Variants in SEPTIN2 observed in about 807,000 individuals in gnomAD.
The protein encoded by SEPTIN2 is septin 2.
Under a neutral mutation model 46.5 loss-of-function variants are expected in SEPTIN2, and 34 were observed. That is an observed-to-expected ratio of 0.73 (90% confidence interval 0.56 to 0.97). The LOEUF is 0.97. Ranked by LOEUF, SEPTIN2 falls within the 50% of genes least tolerant of loss-of-function variation. The probability of loss-of-function intolerance (pLI) is 0.00; values close to 1 mark genes in which losing one functional copy is unlikely to be tolerated. For missense variants in SEPTIN2, 347 were observed against 448.4 expected, an observed-to-expected ratio of 0.77 and a Z score of 2.04; for synonymous variants, 175 against 153.4, an observed-to-expected ratio of 1.14 and a Z score of -1.04.
intron 3 of SEPTIN2, among the ~76,000 whole-genome samples, chr2:241,329,025 A>G (rs2078509656): frequency 6.6e-6 from 1 of 152,098 alleles, no homozygotes; most frequent in African/African-American, 2.4e-5. Context: ...CATCTCTCAC[A>G]CACAAAAAAG....
intron 1 of SEPTIN2, among the ~76,000 whole-genome samples, chr2:241,319,886 ACT>A (rs1387894090): frequency 6.6e-6 from 1 of 151,876 alleles, no homozygotes; most frequent in Non-Finnish European, 1.5e-5. Context: ...GAGCCACCAC[ACT>A]CTGCCAGCAG....
upstream of SEPTIN2, chr2:241,315,890 C>T (rs1451489627): frequency 9.4e-6 from 1 of 106,876 alleles, no homozygotes; most frequent in East Asian, 2.8e-4. Flanking sequence ...CTGGGCGGGG[C>T]GGGGCGGGCT....
At chr2:241,315,761 C>T (rs1409556118), upstream of SEPTIN2, 1 of 152,494 alleles carries the variant, frequency 6.6e-6, no homozygotes, top group African/African-American at 2.4e-5. Context: ...GCGGACGACT[C>T]TGGGCTTGCG....
Position 241,348,188 on chromosome 2 carries a change from T to A in SEPTIN2, c.981T>A (p.Ala327=). The change falls in exon 11 of 13, where the codon GCT becomes GCA. Residue 327 remains alanine, a synonymous_variant. Transcript: ENST00000391971. The part of the protein sequence containing the change: ...NKDQILLEKE[A]ELRRMQEMIA... ...ACCAGATCTTGCTGGAAAAAGAAGCTGAGGTAAGTAGGAAAGTACTATTGG... is the reference window on the plus strand; with the variant it reads ...ACCAGATCTTGCTGGAAAAAGAAGCAGAGGTAAGTAGGAAAGTACTATTGG... 1 of 1,612,444 alleles carries A rather than the reference T, an allele frequency of 6.2e-7. No homozygotes were observed.
At chr2:241,320,518 G>A (rs973646274) in intron 1 of SEPTIN2, among the ~76,000 whole-genome samples, 9 of 152,170 alleles carry the variant, frequency 5.9e-5, no homozygotes, top group Admixed American at 2.0e-4. Context: ...TTGCGGCCAA[G>A]CACGGTGGCT....
intron 1 of SEPTIN2, among the ~76,000 whole-genome samples, chr2:241,319,950 A>G (rs749809576): frequency 7.9e-5 from 12 of 152,222 alleles, no homozygotes; most frequent in Non-Finnish European, 1.3e-4. Flanking sequence ...ATGCCTCATC[A>G]GCATCTATTA....
chr2:241,336,352 G>C (rs1174392225), intron 5 of SEPTIN2: 1 of 433,948 alleles, frequency 2.3e-6, no homozygotes, highest in Non-Finnish European at 4.1e-6. Flanking sequence ...TGAAACACCT[G>C]GATTTGAGCC....
chr2:241,320,503 A>T (rs2149829814), intron 1 of SEPTIN2, among the ~76,000 whole-genome samples: 1 of 152,310 alleles, frequency 6.6e-6, no homozygotes, highest in Non-Finnish European at 1.5e-5. Flanking sequence ...TTAGAAAACC[A>T]GCTTTTGCGG....
intron 3 of SEPTIN2, among the ~76,000 whole-genome samples, chr2:241,328,788 A>G (rs949673813): frequency 1.3e-5 from 2 of 151,280 alleles, no homozygotes; most frequent in African/African-American, 4.9e-5. Flanking sequence ...TGAGGAGGCT[A>G]GGCGGGTGGA....
chr2:241,348,987 T>G (rs1270439037), intron 11 of SEPTIN2, among the ~76,000 whole-genome samples: 1 of 152,234 alleles, frequency 6.6e-6, no homozygotes, highest in African/African-American at 2.4e-5. Flanking sequence ...GAAGAAAATT[T>G]AAATGTTTTA....
At chr2:241,348,760 A>G (rs1412357490) in intron 11 of SEPTIN2, among the ~76,000 whole-genome samples, 2 of 152,188 alleles carry the variant, frequency 1.3e-5, no homozygotes, top group South Asian at 2.1e-4. Flanking sequence ...TAGTAATGTC[A>G]CTGATATTTG....
At chr2:241,338,711 TTTATATA>T (rs2080538436) in intron 7 of SEPTIN2, among the ~76,000 whole-genome samples, 13 of 106,526 alleles carry the variant, frequency 1.2e-4, no homozygotes, top group Middle Eastern at 0.01. Flanking sequence ...ATTTATATTA[TTTATATA>T]ATATATTATA....
intron 7 of SEPTIN2, among the ~76,000 whole-genome samples, chr2:241,338,998 AT>A (rs2080854054): frequency 8.6e-6 from 1 of 116,380 alleles, no homozygotes; most frequent in African/African-American, 3.3e-5. Flanking sequence ...TTATAAATAT[AT>A]ATAAATATTA....
chr2:241,315,912 T>C (rs980352623), upstream of SEPTIN2: 4 of 151,562 alleles, frequency 2.6e-5, no homozygotes, highest in African/African-American at 9.7e-5. Context: ...GGGCGGGCTG[T>C]GAGCGGACCG....
intron 7 of SEPTIN2, among the ~76,000 whole-genome samples, chr2:241,339,262 G>A (rs932995302): frequency 6.6e-6 from 1 of 150,740 alleles, no homozygotes; most frequent in African/African-American, 2.4e-5. Flanking sequence ...GCGTGGTGGC[G>A]GGCATCTGTA....
chr2:241,341,619 G>A (rs1352590106), intron 7 of SEPTIN2, among the ~76,000 whole-genome samples: 2 of 152,192 alleles, frequency 1.3e-5, no homozygotes, highest in Non-Finnish European at 2.9e-5. Context: ...ACTGAAGGTC[G>A]AGTTACAGAG....
chr2:241,346,357 G>T (rs1024266423), intron 10 of SEPTIN2, 108 bp downstream of exon 10: 4 of 686,646 alleles, frequency 5.8e-6, no homozygotes, highest in South Asian at 2.6e-5. Flanking sequence ...AACATGGTTT[G>T]GTTTCCTACT....
chr2:241,348,675 A>G (rs1040778999), intron 11 of SEPTIN2, among the ~76,000 whole-genome samples: 1 of 152,156 alleles, frequency 6.6e-6, no homozygotes, highest in African/African-American at 2.4e-5. Context: ...ACATCTATAT[A>G]TAATAATAAA....
intron 3 of SEPTIN2, among the ~76,000 whole-genome samples, chr2:241,332,592 C>A (rs997116028): frequency 3.9e-5 from 6 of 152,182 alleles, no homozygotes; most frequent in Non-Finnish European, 8.8e-5. Flanking sequence ...TTTGGTACTT[C>A]CTTAACAGTT....
Sources: allele counts gnomAD v4.1 joint callset (sites outside exome capture counted in the v4.1 genomes callset), GRCh38; gene constraint gnomAD v4.1.1; transcripts MANE v1.5; gene names NCBI Gene and HGNC (gene_info 2026-07-23, HGNC 2026-07-21).